CPNE8: variants seen among roughly 807,000 people sequenced by gnomAD.
CPNE8 encodes the protein copine 8.
Under a neutral mutation model 81.5 loss-of-function variants are expected in CPNE8, and 45 were observed. That is an observed-to-expected ratio of 0.55 (90% CI 0.44 to 0.71). CPNE8 has a LOEUF of 0.71. Among genes scored for constraint, CPNE8 ranks in the 30% least tolerant of loss-of-function variants. The pLI is 0.00. For missense variants in CPNE8, 594 were observed against 672.1 expected (o/e 0.88, Z 1.28); for synonymous variants, 252 against 226.3 (o/e 1.11, Z -1.02).
At position 38,663,214 on chromosome 12, in the gene CPNE8, T is replaced by C. The variant is rs1242754291; in HGVS notation, c.1506+7515A>G. On this transcript the variant is annotated intron_variant, in intron 19 of 19. Transcript: ENST00000331366. ...GTGAAGAGACAAACTTTTATTCATC[T>C]AATAAGGGATTAATATCCAGAATAT... Among the ~76,000 whole-genome samples the C allele has an allele frequency of 2.0e-5, 3 of 152,030 alleles. No homozygotes were observed. The East Asian group carries it at 5.8e-4, about 29-fold the overall frequency.
At chr12:38,861,906 G>A (rs192163272) in intron 3 of CPNE8, among the ~76,000 whole-genome samples, 6 of 146,130 alleles carry the variant, frequency 4.1e-5, no homozygotes, top group Admixed American at 4.0e-4. Context: ...TTATGGCTGA[G>A]AGAAAATAGA....
intron 6 of CPNE8, among the ~76,000 whole-genome samples, chr12:38,789,659 A>G (rs1319309964): frequency 6.6e-6 from 1 of 151,724 alleles, no homozygotes; most frequent in African/African-American, 2.4e-5. Context: ...GGAAGAGACA[A>G]CCCACAGAAT....
chr12:38,797,929 A>T (rs1415545122), intron 6 of CPNE8, among the ~76,000 whole-genome samples: 1 of 152,194 alleles, frequency 6.6e-6, no homozygotes, highest in Admixed American at 6.5e-5. Context: ...TGATGTGATC[A>T]ACTAGAAGAA....
At chr12:38,707,838 T>C (rs967657503) in intron 13 of CPNE8, among the ~76,000 whole-genome samples, 5 of 152,208 alleles carry the variant, frequency 3.3e-5, no homozygotes, top group East Asian at 3.8e-4. Context: ...TATCACACCA[T>C]TGAGATTTTT....
At chr12:38,655,817 A>G (rs1938803055) in intron 19 of CPNE8, among the ~76,000 whole-genome samples, 1 of 152,142 alleles carries the variant, frequency 6.6e-6, no homozygotes, top group African/African-American at 2.4e-5. Context: ...ATAAGACATT[A>G]CAAGGAAGCA....
At chr12:38,843,155 A>G (rs1044385971) in intron 4 of CPNE8, among the ~76,000 whole-genome samples, 2 of 152,206 alleles carry the variant, frequency 1.3e-5, no homozygotes, top group Non-Finnish European at 2.9e-5. Flanking sequence ...TCATCCTGCC[A>G]TTGAAACCTT....
At chr12:38,744,687 T>A (rs1348444931) in intron 10 of CPNE8, among the ~76,000 whole-genome samples, 2 of 151,214 alleles carry the variant, frequency 1.3e-5, no homozygotes, top group Admixed American at 6.6e-5. Context: ...TAGGCAAACT[T>A]CGGCAAGAAG....
At chr12:38,751,799 G>A (rs1206092512) in intron 10 of CPNE8, among the ~76,000 whole-genome samples, 1 of 152,106 alleles carries the variant, frequency 6.6e-6, no homozygotes, top group Admixed American at 6.5e-5. Context: ...TCATTCCAGA[G>A]CTTCCTATTT....
At chr12:38,842,661 C>T (rs1357500894) in intron 4 of CPNE8, among the ~76,000 whole-genome samples, 14 of 149,950 alleles carry the variant, frequency 9.3e-5, no homozygotes, top group Admixed American at 2.0e-4. Context: ...CAGCAACCTC[C>T]GCCTCCCCGG....
intron 13 of CPNE8, among the ~76,000 whole-genome samples, chr12:38,704,863 T>TATATATATATATATA (rs1565575657): frequency 7.3e-6 from 1 of 137,304 alleles, no homozygotes; most frequent in African/African-American, 2.6e-5. Flanking sequence ...TATATATATA[T>TATATATATATATATA]TTAAATTTCG....
chr12:38,815,622 T>G (rs1943011739), intron 6 of CPNE8, among the ~76,000 whole-genome samples: 1 of 152,194 alleles, frequency 6.6e-6, no homozygotes, highest in East Asian at 1.9e-4. Context: ...CTATGCTCAC[T>G]GTTAAAATAC....
chr12:38,661,647 G>A (rs1014104070), intron 19 of CPNE8, among the ~76,000 whole-genome samples: 1 of 151,948 alleles, frequency 6.6e-6, no homozygotes, highest in South Asian at 2.1e-4. Flanking sequence ...TCTTCCAAAT[G>A]TATTCCACAA....
rs556890216 is a variant in CPNE8, at chr12:38,808,206, G to A, written c.407+21173C>T. Among the ~76,000 whole-genome samples, 184 of 152,166 alleles carry A rather than the reference G, an allele frequency of 1.2e-3. 1 individual carries two copies. Among genetic ancestry groups the A allele is most frequent in the African/African-American group, 4.1e-3 (171 of 41,524 alleles). ...GGAAGTCAGCGTGGCTATTCCTCAG[G>A]GATCTAGAACTAGAAATATCATTTG... On this transcript the variant is annotated intron_variant, in intron 6 of 19. Transcript: ENST00000331366.
chr12:38,867,236 A>G (rs1022737869), intron 3 of CPNE8, among the ~76,000 whole-genome samples: 4 of 152,098 alleles, frequency 2.6e-5, no homozygotes, highest in African/African-American at 9.7e-5. Context: ...GCACAAAGCT[A>G]AACAGTGAAG....
intron 6 of CPNE8, among the ~76,000 whole-genome samples, chr12:38,809,240 C>A (rs1297444345): frequency 6.6e-6 from 1 of 152,112 alleles, no homozygotes; most frequent in East Asian, 1.9e-4. Flanking sequence ...AAGGTGTCGG[C>A]CAGCTTGTGT....
At chr12:38,810,552 G>C (rs909685126) in intron 6 of CPNE8, among the ~76,000 whole-genome samples, 3 of 152,070 alleles carry the variant, frequency 2.0e-5, no homozygotes, top group African/African-American at 7.2e-5. Context: ...TTTCTAACAT[G>C]TTCTTCAAAA....
At chr12:38,737,176 C>G (rs1426087386) in intron 10 of CPNE8, among the ~76,000 whole-genome samples, 1 of 151,426 alleles carries the variant, frequency 6.6e-6, no homozygotes, top group Non-Finnish European at 1.5e-5. Flanking sequence ...AAAAGCAGCA[C>G]TATTATAAAA....
At chr12:38,733,919 C>A (rs1940894917) in intron 10 of CPNE8, among the ~76,000 whole-genome samples, 1 of 151,902 alleles carries the variant, frequency 6.6e-6, no homozygotes, top group African/African-American at 2.4e-5. Flanking sequence ...ACAAACTTAT[C>A]CATCTCCCTC....
chr12:38,657,433 C>G (rs557516265), intron 19 of CPNE8, among the ~76,000 whole-genome samples: 1 of 152,172 alleles, frequency 6.6e-6, no homozygotes, highest in East Asian at 1.9e-4. Flanking sequence ...TCTATAAACG[C>G]CACCTCTGTG....
Sources: allele counts gnomAD v4.1 joint callset (sites outside exome capture counted in the v4.1 genomes callset), GRCh38; gene constraint gnomAD v4.1.1; transcripts MANE v1.5; gene names NCBI Gene and HGNC (gene_info 2026-07-23, HGNC 2026-07-21).